The following PPP1R21 variants were observed in gnomAD, a reference collection of about 807,000 sequenced individuals.
PPP1R21 encodes the protein KLRAQ motif containing 1.
PPP1R21 carries 85 observed loss-of-function variants against 112.8 expected under a neutral mutation model. That is an observed-to-expected ratio of 0.75 (90% CI 0.63 to 0.90). The LOEUF is 0.90. Ranked by LOEUF, PPP1R21 falls within the 40% of genes least tolerant of loss-of-function variation. The probability of loss-of-function intolerance (pLI) is 0.00; values close to 1 mark genes in which losing one functional copy is unlikely to be tolerated. For synonymous variants in PPP1R21, 381 were observed against 322.3 expected (o/e 1.18, Z -1.95); for missense variants, 1,199 against 901.5 (o/e 1.33, Z -4.23).
chr2:48,474,894 A>T, intron 12 of PPP1R21, 75 bp downstream of exon 12: 1 of 1,292,666 alleles, frequency 7.7e-7, no homozygotes, highest in Non-Finnish European at 1.1e-6. Flanking sequence ...GAGATGGTTT[A>T]GCTAAGTAGA....
intron 15 of PPP1R21, among the ~76,000 whole-genome samples, chr2:48,492,682 GT>G (rs1388067170): frequency 1.3e-5 from 2 of 152,196 alleles, no homozygotes; most frequent in African/African-American, 4.8e-5. Context: ...GTAGTTGCTA[GT>G]TGTCCTTCAA....
At chr2:48,462,782 A>G (rs368624888) in intron 7 of PPP1R21, among the ~76,000 whole-genome samples, 1 of 152,206 alleles carries the variant, frequency 6.6e-6, no homozygotes, top group Non-Finnish European at 1.5e-5. Context: ...TGTACTCACA[A>G]GGTTAATCTG....
chr2:48,463,717 A>T (rs1668078959), intron 7 of PPP1R21, among the ~76,000 whole-genome samples: 1 of 152,070 alleles, frequency 6.6e-6, no homozygotes, highest in Non-Finnish European at 1.5e-5. Context: ...GGAGATACTG[A>T]AGATAGAAGC....
At chr2:48,466,046 T>A (rs1260762851) in intron 9 of PPP1R21, among the ~76,000 whole-genome samples, 1 of 152,010 alleles carries the variant, frequency 6.6e-6, no homozygotes, top group African/African-American at 2.4e-5. Context: ...TTTAAAACCA[T>A]CAGATCTCGT....
Position 48,458,199 on chromosome 2 carries a change from TAGAAG to T in PPP1R21, c.352_356del (p.Glu118Ter). The T allele has an allele frequency of 6.2e-7, 1 of 1,611,672 alleles. No individual in the cohort carries two copies. The highest frequency in any genetic ancestry group is 8.5e-7 in the Non-Finnish European group (1 of 1,178,296). On this transcript the variant is annotated frameshift_variant, in exon 4 of 22. Transcript: ENST00000294952. LOFTEE classifies it high-confidence loss of function. ...TTTGATGAAGATCTGCAAAAGAAGA[TAGAAG>T]AGAATGAACGGTTGCATATACAAGT... is the stretch of plus-strand genomic sequence containing the variant.
intron 20 of PPP1R21, among the ~76,000 whole-genome samples, 171 bp from the exon 21 acceptor site, chr2:48,511,169 C>G (rs183675167): frequency 6.6e-6 from 1 of 152,140 alleles, no homozygotes; most frequent in Non-Finnish European, 1.5e-5. Flanking sequence ...AAACATTTAT[C>G]TTTGTGTTGG....
At chr2:48,460,473 T>C (rs767722070) in intron 6 of PPP1R21, among the ~76,000 whole-genome samples, 14 of 152,178 alleles carry the variant, frequency 9.2e-5, no homozygotes, top group Non-Finnish European at 1.8e-4. Context: ...GAAGGAAAAC[T>C]GATAATCACC....
intron 3 of PPP1R21, among the ~76,000 whole-genome samples, chr2:48,457,788 A>G (rs1204478527): frequency 6.6e-6 from 1 of 152,238 alleles, no homozygotes; most frequent in Non-Finnish European, 1.5e-5. Flanking sequence ...GATCAAATTG[A>G]AATGATATTT....
chr2:48,453,099 G>A (rs1442949062), intron 2 of PPP1R21, among the ~76,000 whole-genome samples: 3 of 151,990 alleles, frequency 2.0e-5, no homozygotes, highest in African/African-American at 4.8e-5. Flanking sequence ...GATCACAGGC[G>A]TGCACCACCC....
chr2:48,478,300 A>C (rs879628902), intron 12 of PPP1R21, among the ~76,000 whole-genome samples: 7 of 152,250 alleles, frequency 4.6e-5, no homozygotes, highest in Admixed American at 3.9e-4. Flanking sequence ...GAGTATTGCC[A>C]TCTAAGCTTA....
chr2:48,450,242 A>G, intron 1 of PPP1R21, among the ~76,000 whole-genome samples: 1 of 152,130 alleles, frequency 6.6e-6, no homozygotes, highest in Non-Finnish European at 1.5e-5. Context: ...TGGAGTCCAA[A>G]CTGGTAGAGT....
chr2:48,509,574 G>A (rs1670538474), intron 19 of PPP1R21, among the ~76,000 whole-genome samples: 3 of 151,736 alleles, frequency 2.0e-5, no homozygotes, highest in Admixed American at 6.6e-5. Context: ...GTGTGGTGGT[G>A]CATGCCTGTA....
At chr2:48,456,195 T>C (rs1162939431) in intron 3 of PPP1R21, among the ~76,000 whole-genome samples, 2 of 152,060 alleles carry the variant, frequency 1.3e-5, no homozygotes, top group African/African-American at 2.4e-5. Flanking sequence ...GGGATTCTTA[T>C]TGCTCTAAGG....
At chr2:48,462,497 G>C (rs35913553) in intron 7 of PPP1R21, among the ~76,000 whole-genome samples, 19,875 of 152,150 alleles carry the variant, frequency 0.13, 1,905 homozygotes, top group East Asian at 0.46. Flanking sequence ...GGATATGTGA[G>C]CAGGTTTTAT....
In PPP1R21 at chr2:48,507,383, G is replaced by A. The variant is rs375335011; in HGVS notation, c.2083G>A (p.Glu695Lys). The A allele has an allele frequency of 2.7e-5, 43 of 1,600,638 alleles. No individual in the cohort carries two copies. Among genetic ancestry groups the A allele is most frequent in the Non-Finnish European group, 3.5e-5 (41 of 1,175,900 alleles). ...CAGTAAGTCAGTGCATTTTTATGCC[G>A]AGGTGAGTGTAGATTTAATTAGATT... ...ADSKSVHFYA[E>K]CRALSKRLAL... The change falls in exon 19 of 22, where the codon GAG becomes AAG. Residue 695 changes from glutamate to lysine, a missense_variant and splice_region_variant. Physicochemically the swap from Glu to Lys is moderately conservative, Grantham distance 56. Transcript: ENST00000294952.
chr2:48,499,012 A>G (rs74898877), intron 17 of PPP1R21, among the ~76,000 whole-genome samples: 300 of 151,934 alleles, frequency 2.0e-3, no homozygotes, highest in Non-Finnish European at 3.3e-3. Flanking sequence ...CAGAAGGGTC[A>G]GGTGAGCTCT....
chr2:48,491,175 G>T lies in PPP1R21; in HGVS notation c.1599+5G>T. ...TATATGAAGTCTTTGAGAAAGGTTT[G>T]TTAGCTGCTGTTAATATTTAAATCA... On this transcript the variant is annotated splice_donor_5th_base_variant and intron_variant, in intron 15 of 21. Transcript: ENST00000294952. 1 of 1,607,088 alleles carries T rather than the reference G, an allele frequency of 6.2e-7. No homozygotes were observed. Among genetic ancestry groups the T allele is most frequent in the Non-Finnish European group, 8.5e-7 (1 of 1,177,954 alleles).
intron 11 of PPP1R21, 108 bp from the exon 12 acceptor site, chr2:48,474,575 C>A: frequency 1.0e-6 from 1 of 981,212 alleles, no homozygotes; most frequent in Non-Finnish European, 1.5e-6. Context: ...ATTCTTTTTT[C>A]TGCAATATCT....
chr2:48,507,932 ATT>A (rs905702781), intron 19 of PPP1R21, among the ~76,000 whole-genome samples: 2 of 150,916 alleles, frequency 1.3e-5, no homozygotes, highest in Non-Finnish European at 3.0e-5. Flanking sequence ...TGCCTGGCTA[ATT>A]TTTGTATTTT....
Sources: gnomAD v4.1 joint callset for allele counts (sites outside exome capture counted in the v4.1 genomes callset) on GRCh38, gnomAD v4.1.1 for gene constraint, MANE v1.5 for transcripts, NCBI Gene and HGNC (gene_info 2026-07-23, HGNC 2026-07-21) for gene names.